ANTXR1: variants seen among roughly 807,000 people sequenced by gnomAD.
The protein encoded by ANTXR1 is anthrax toxin receptor 1.
In ANTXR1, 19 loss-of-function variants were observed where a neutral mutation model predicts 78.1. That is an observed-to-expected ratio of 0.24 (90% CI 0.17 to 0.36). The LOEUF (loss-of-function observed/expected upper bound fraction) is 0.36. ANTXR1 is among the 10% of genes least tolerant of loss of function. The pLI, the probability that ANTXR1 is intolerant of heterozygous loss-of-function variation, is 1.00. For synonymous variants in ANTXR1, 273 were observed against 260.5 expected (o/e 1.05, Z -0.46); for missense variants, 518 against 718.6 (o/e 0.72, Z 3.19).
intron 17 of ANTXR1, among the ~76,000 whole-genome samples, chr2:69,240,446 A>G (rs569468422): frequency 6.6e-5 from 10 of 152,348 alleles, no homozygotes; most frequent in South Asian, 2.1e-4. Flanking sequence ...TAAGACATCA[A>G]TTGAAAGCCA....
At chr2:69,087,619 C>T (rs1371790504) in intron 8 of ANTXR1, among the ~76,000 whole-genome samples, 2 of 152,214 alleles carry the variant, frequency 1.3e-5, no homozygotes, top group African/African-American at 2.4e-5. Flanking sequence ...TCCCTCTCTC[C>T]TCTGCAGATC....
chr2:69,016,701 T>C (rs6730387), intron 1 of ANTXR1, among the ~76,000 whole-genome samples: 13,222 of 152,312 alleles, frequency 0.087, 954 homozygotes, highest in East Asian at 0.23. Flanking sequence ...ACCAATATGG[T>C]ACTACTATTT....
At chr2:69,132,287 G>A (rs1218464927) in intron 12 of ANTXR1, among the ~76,000 whole-genome samples, 1 of 152,222 alleles carries the variant, frequency 6.6e-6, no homozygotes, top group Non-Finnish European at 1.5e-5. Context: ...CAGAGATAGA[G>A]GCCACAGTGA....
chr2:69,157,405 A>C (rs1673556987), intron 13 of ANTXR1, among the ~76,000 whole-genome samples: 1 of 152,018 alleles, frequency 6.6e-6, no homozygotes, highest in African/African-American at 2.4e-5. Flanking sequence ...GCTCCAGAGG[A>C]CCAGCCCACA....
chr2:69,027,754 T>C (rs1417666853), intron 1 of ANTXR1, among the ~76,000 whole-genome samples: 1 of 149,314 alleles, frequency 6.7e-6, no homozygotes, highest in Non-Finnish European at 1.5e-5. Context: ...TTAAGATAAG[T>C]GATTAAACAA....
chr2:69,209,059 C>T lies in ANTXR1; in HGVS notation c.1434+15644C>T, dbSNP rs1001156392. Among the ~76,000 whole-genome samples, 5 of 120,012 alleles carry T rather than the reference C, an allele frequency of 4.2e-5. No homozygotes were observed. The Admixed American group carries it at 4.4e-4, about 11-fold the overall frequency. 78.7% of individuals were successfully genotyped at this position (120,012 alleles called of 152,430 possible). ...CTGAGATTACAGGTGCCTGCTACCACGTTGTTTTATTAAAGCAAACAAGCA... is the reference window on the plus strand; with the variant it reads ...CTGAGATTACAGGTGCCTGCTACCATGTTGTTTTATTAAAGCAAACAAGCA... On this transcript the variant is annotated intron_variant, in intron 17 of 17. Transcript: ENST00000303714.
At chr2:69,099,172 T>A (rs1671528179) in intron 9 of ANTXR1, among the ~76,000 whole-genome samples, 1 of 152,252 alleles carries the variant, frequency 6.6e-6, no homozygotes. Flanking sequence ...TCTGTAGATC[T>A]GCGAATCTGG....
At chr2:69,076,131 C>A (rs1445001401) in intron 7 of ANTXR1, among the ~76,000 whole-genome samples, 1 of 151,914 alleles carries the variant, frequency 6.6e-6, no homozygotes, top group Non-Finnish European at 1.5e-5. Flanking sequence ...CACACCATCA[C>A]ACTTGGCTAC....
intron 3 of ANTXR1, among the ~76,000 whole-genome samples, chr2:69,067,811 C>T (rs888713759): frequency 2.6e-5 from 4 of 152,234 alleles, no homozygotes; most frequent in African/African-American, 9.6e-5. Context: ...TGGTGCCATG[C>T]ACTGCCCCCA....
At chr2:69,208,277 C>T (rs1291335925) in intron 17 of ANTXR1, among the ~76,000 whole-genome samples, 1 of 152,188 alleles carries the variant, frequency 6.6e-6, no homozygotes, top group Non-Finnish European at 1.5e-5. Context: ...ATTGTGGCCT[C>T]CCTTCTTACC....
At chr2:69,163,820 G>T (rs181926042) in intron 13 of ANTXR1, among the ~76,000 whole-genome samples, 98 of 152,296 alleles carry the variant, frequency 6.4e-4, no homozygotes, top group African/African-American at 2.3e-3. Context: ...ACATTCACCT[G>T]ATGTTACTCA....
Position 69,044,750 on chromosome 2 carries a change from T to C in ANTXR1, c.233T>C (p.Leu78Ser). 1 of 1,613,866 alleles carries C rather than the reference T, an allele frequency of 6.2e-7. No individual in the cohort carries two copies. Among genetic ancestry groups the C allele is most frequent in the Non-Finnish European group, 8.5e-7 (1 of 1,179,816 alleles). ...QLAHKFISPQ[L>S]RMSFIVFSTR... The stretch of plus-strand genomic sequence containing the variant: ...CTTCTTTTCCTTTCCAGCCCACAGT[T>C]GAGAATGTCCTTTATTGTTTTCTCC... Residue 78 changes from leucine (L) to serine (S), a missense_variant, in exon 3 of 18, where the codon TTG (leucine) becomes TCG (serine). Physicochemically the swap from Leu to Ser is moderately radical, Grantham distance 145. Coordinates refer to ENST00000303714, the MANE Select transcript of ANTXR1 (RefSeq NM_032208.3).
At chr2:69,037,586 C>T (rs1322438796) in intron 1 of ANTXR1, among the ~76,000 whole-genome samples, 1 of 152,180 alleles carries the variant, frequency 6.6e-6, no homozygotes, top group Middle Eastern at 3.2e-3. Flanking sequence ...TGTCCTGCCT[C>T]AGCCTCCTGA....
At chr2:69,036,400 G>A (rs190975182) in intron 1 of ANTXR1, among the ~76,000 whole-genome samples, 1 of 152,282 alleles carries the variant, frequency 6.6e-6, no homozygotes, top group African/African-American at 2.4e-5. Flanking sequence ...ACACTTAAAT[G>A]TACAATTAAA....
At chr2:69,066,489 G>T (rs149064627) in intron 3 of ANTXR1, among the ~76,000 whole-genome samples, 1 of 151,452 alleles carries the variant, frequency 6.6e-6, no homozygotes, top group Non-Finnish European at 1.5e-5. Context: ...TTTTTCTTAC[G>T]TGTTCATCTT....
At chr2:69,089,084 A>G (rs1268068146) in intron 8 of ANTXR1, among the ~76,000 whole-genome samples, 2 of 152,236 alleles carry the variant, frequency 1.3e-5, no homozygotes, top group East Asian at 3.8e-4. Flanking sequence ...GAAGGAACTA[A>G]TTACTTCCAA....
intron 8 of ANTXR1, among the ~76,000 whole-genome samples, chr2:69,088,621 A>G (rs1170722713): frequency 6.6e-6 from 1 of 152,194 alleles, no homozygotes; most frequent in Non-Finnish European, 1.5e-5. Flanking sequence ...GCCCAAGAGC[A>G]GCAAGTTCAG....
chr2:69,023,610 A>G (rs1414621153), intron 1 of ANTXR1, among the ~76,000 whole-genome samples: 2 of 152,134 alleles, frequency 1.3e-5, no homozygotes, highest in African/African-American at 4.8e-5. Flanking sequence ...AGATGCCTCC[A>G]TAGATTCCAA....
intron 6 of ANTXR1, among the ~76,000 whole-genome samples, chr2:69,075,116 T>C (rs186324781): frequency 6.6e-6 from 1 of 152,180 alleles, no homozygotes; most frequent in Non-Finnish European, 1.5e-5. Flanking sequence ...GGTTCTAGCC[T>C]TGTGTGAGGA....
Sources: allele counts gnomAD v4.1 joint callset (sites outside exome capture counted in the v4.1 genomes callset), GRCh38; gene constraint gnomAD v4.1.1; transcripts MANE v1.5; gene names NCBI Gene and HGNC (gene_info 2026-07-23, HGNC 2026-07-21).